CEP104: variants seen among roughly 807,000 people sequenced by gnomAD.
CEP104 encodes the protein centrosomal protein 104.
A neutral mutation model predicts 113.3 loss-of-function variants in CEP104; 84 were observed. That is an observed-to-expected ratio of 0.74 (90% CI 0.62 to 0.89). The LOEUF is 0.89. CEP104 is among the 40% of genes least tolerant of loss of function. CEP104 has a pLI of 0.00. For synonymous variants in CEP104, 378 were observed against 421.7 expected, an observed-to-expected ratio of 0.90 and a Z score of 1.27; for missense variants, 1,053 against 1,156.6, an observed-to-expected ratio of 0.91 and a Z score of 1.30.
intron 6 of CEP104, among the ~76,000 whole-genome samples, chr1:3,842,788 T>A (rs3765774): frequency 0.37 from 56,102 of 151,860 alleles, 10,964 homozygotes; most frequent in Admixed American, 0.46. Flanking sequence ...TTATTTAAAA[T>A]TTTTTTTGTG....
chr1:3,822,576 G>A (rs1002600477), intron 20 of CEP104, among the ~76,000 whole-genome samples: 2 of 152,198 alleles, frequency 1.3e-5, no homozygotes, highest in African/African-American at 2.4e-5. Flanking sequence ...CCAGCCCATC[G>A]TGTTGGACAG....
rs1644171391 is a variant in CEP104 at position 3,830,016 on chromosome 1, CTT to C, written c.1837-21_1837-20del. 3 of 1,544,628 alleles carry C rather than the reference CTT, an allele frequency of 1.9e-6. No homozygotes were observed. The highest frequency in any genetic ancestry group is 1.4e-5 in the African/African-American group (1 of 73,644). On this transcript the variant is annotated intron_variant, in intron 13 of 21. Transcript: ENST00000378230. Reference sequence around the variant, plus strand: ...CTGAAAACTAAAGTTGGGAGGGGCTCTTGTTACTCATTCTTAAAATAAAACTA... The same window carrying C: ...CTGAAAACTAAAGTTGGGAGGGGCTCGTTACTCATTCTTAAAATAAAACTA...
chr1:3,851,836 G>A (rs182612830), intron 2 of CEP104, among the ~76,000 whole-genome samples: 4 of 152,236 alleles, frequency 2.6e-5, no homozygotes, highest in African/African-American at 4.8e-5. Flanking sequence ...TAAAGTATAC[G>A]CGTGTTTAAG....
chr1:3,855,965 C>T, intron 1 of CEP104: 1 of 985,276 alleles, frequency 1.0e-6, no homozygotes, highest in Non-Finnish European at 1.2e-6. Context: ...GCGATGACTC[C>T]ATGGCGGTCT....
chr1:3,854,337 TC>T (rs1193137692), intron 1 of CEP104, among the ~76,000 whole-genome samples: 1 of 152,052 alleles, frequency 6.6e-6, no homozygotes, highest in Non-Finnish European at 1.5e-5. Flanking sequence ...CTTGGTGGGC[TC>T]CCCATCTAGG....
intron 15 of CEP104, among the ~76,000 whole-genome samples, chr1:3,827,813 A>C (rs371230072): frequency 3.0e-4 from 46 of 152,246 alleles, no homozygotes; most frequent in African/African-American, 1.1e-3. Flanking sequence ...CGCAGCACAG[A>C]CCCACTGCCT....
Position 3,837,303 on chromosome 1 carries a change from G to C in CEP104, c.1108C>G (p.Pro370Ala). Reference protein sequence around the residue: ...DPLLPATDPHPKINAESLPYD... With the variant: ...DPLLPATDPHAKINAESLPYD... The stretch of plus-strand genomic sequence containing the variant: ...ACAGAATTACCTACATTGATCTTTG[G>C]ATGAGGATCTGTGGCAGGGAGTAAC... The change falls in exon 9 of 22, where the codon CCA becomes GCA. Residue 370 changes from proline (P) to alanine (A), a missense_variant. Coordinates refer to ENST00000378230, the MANE Select transcript of CEP104 (RefSeq NM_014704.4). 1 of 1,610,796 alleles carries C rather than the reference G, an allele frequency of 6.2e-7. No individual in the cohort carries two copies. Among genetic ancestry groups the C allele is most frequent in the Non-Finnish European group, 8.5e-7 (1 of 1,177,052 alleles).
chr1:3,827,277 C>T (rs114895716), intron 15 of CEP104, among the ~76,000 whole-genome samples: 2,067 of 152,232 alleles, frequency 0.014, 46 homozygotes, highest in African/African-American at 0.047. Context: ...GGAAGTGGTA[C>T]AAACACAACT....
chr1:3,852,947 A>C (rs1238712172), intron 1 of CEP104, among the ~76,000 whole-genome samples: 1 of 152,258 alleles, frequency 6.6e-6, no homozygotes, highest in Admixed American at 6.5e-5. Flanking sequence ...AAGGTTAGGA[A>C]GAAGCCAGGA....
intron 4 of CEP104, among the ~76,000 whole-genome samples, chr1:3,845,815 C>T (rs1258196033): frequency 3.3e-5 from 5 of 152,172 alleles, no homozygotes; most frequent in East Asian, 1.9e-4. Context: ...AGCCTGGGCG[C>T]GGTGCCTCAT....
At chr1:3,854,674 G>A (rs544242375) in intron 1 of CEP104, among the ~76,000 whole-genome samples, 17 of 147,852 alleles carry the variant, frequency 1.1e-4, no homozygotes, top group East Asian at 4.0e-4. Flanking sequence ...TAGTAGAGAC[G>A]GGGTTTTGCC....
Position 3,826,495 on chromosome 1 carries a change from T to G in CEP104, c.2189-59A>C, listed in dbSNP as rs1477920307. ...ATAGAAATTATTTTCAAAATTTTAG[T>G]AAGCAGTTTGATGTGAGCTCTAAAA... On this transcript the variant is annotated intron_variant, in intron 16 of 21. Coordinates refer to ENST00000378230, the MANE Select transcript of CEP104 (RefSeq NM_014704.4). 3.3e-6 allele frequency: 5 copies of G among 1,506,852 alleles called. No homozygotes were observed. In the African/African-American group the frequency reaches 5.6e-5, roughly 17 times the overall value. The allele number at this position is 1,506,852 out of a possible 1,614,324, so 93.3% of individuals were successfully genotyped here.
chr1:3,818,270 G>A (rs1217886851), intron 20 of CEP104, among the ~76,000 whole-genome samples: 2 of 152,170 alleles, frequency 1.3e-5, no homozygotes, highest in African/African-American at 4.8e-5. Flanking sequence ...CCAGTATCAT[G>A]ACCTTAAACC....
intron 4 of CEP104, among the ~76,000 whole-genome samples, chr1:3,846,445 G>A (rs1484796721): frequency 6.6e-6 from 1 of 152,172 alleles, no homozygotes; most frequent in African/African-American, 2.4e-5. Flanking sequence ...TCAGTGAAGT[G>A]CTGCTTTAGA....
rs1643808559 is a variant in CEP104, at chr1:3,812,212, A to G, written c.*3190T>C. 6.6e-6 allele frequency: 1 copy of G among 152,160 alleles called. No individual in the cohort carries two copies. Among genetic ancestry groups the G allele is most frequent in the Admixed American group, 6.5e-5 (1 of 15,276 alleles). 9.4% of individuals were successfully genotyped at this position (152,160 alleles called of 1,614,324 possible). On this transcript the variant is annotated 3_prime_UTR_variant, in exon 22 of 22. Coordinates refer to ENST00000378230, the MANE Select transcript of CEP104 (RefSeq NM_014704.4). ...TACTTGAAATAAAGACAAATAGAAA[A>G]CTATGTTAAAATATTAAAAAGTTGC...
chr1:3,829,302 CT>C lies in CEP104; in HGVS notation c.2114del (p.Gln705ArgfsTer5). Reference protein sequence around the residue: ...KKEEIKALQGQLAALKEIQAE... With the variant: ...KKEEIKALQGXLAALKEIQAE... ...CCTGAATTTCTTTCAGTGCTGCCAGCTGCCCTTGTAAAGCTTTTATTTCTTC... is the reference window on the plus strand; with the variant it reads ...CCTGAATTTCTTTCAGTGCTGCCAGCGCCCTTGTAAAGCTTTTATTTCTTC... On this transcript the variant is annotated frameshift_variant, in exon 15 of 22. Transcript: ENST00000378230. LOFTEE classifies it high-confidence loss of function. 1 of 1,597,402 alleles carries C rather than the reference CT, an allele frequency of 6.3e-7. No individual in the cohort carries two copies. The highest frequency in any genetic ancestry group is 1.4e-5 in the African/African-American group (1 of 73,588).
In CEP104 at chr1:3,839,049, G is replaced by A. The variant is rs1288910871; in HGVS notation, c.806C>T (p.Ala269Val). The A allele has an allele frequency of 6.2e-7, 1 of 1,614,058 alleles. No homozygotes were observed. The highest frequency in any genetic ancestry group is 8.5e-7 in the Non-Finnish European group (1 of 1,180,008). ...CAVEKEDYDL[A>V]KEKKQQMEQY... ...CTCCATCTGCTGCTTCTTCTCCTTGGCGAGATCGTAGTCTTCCTTCTCCAC... is the reference window on the plus strand; with the variant it reads ...CTCCATCTGCTGCTTCTTCTCCTTGACGAGATCGTAGTCTTCCTTCTCCAC... The change falls in exon 8 of 22, where the codon GCC becomes GTC. Residue 269 changes from alanine to valine, a missense_variant. Transcript: ENST00000378230.
At chr1:3,830,776 CAAAA>C (rs61056063) in intron 13 of CEP104, among the ~76,000 whole-genome samples, 5 of 108,566 alleles carry the variant, frequency 4.6e-5, no homozygotes, top group Admixed American at 1.9e-4. Context: ...GACTCCATCT[CAAAA>C]AAAAAAAAAA....
At chr1:3,851,438 AG>A (rs1644609228) in intron 2 of CEP104, among the ~76,000 whole-genome samples, 1 of 152,174 alleles carries the variant, frequency 6.6e-6, no homozygotes, top group Non-Finnish European at 1.5e-5. Context: ...TTCGCGGGTT[AG>A]GAATAAATAG....
Sources: allele counts gnomAD v4.1 joint callset (sites outside exome capture counted in the v4.1 genomes callset), GRCh38; gene constraint gnomAD v4.1.1; transcripts MANE v1.5; gene names NCBI Gene and HGNC (gene_info 2026-07-23, HGNC 2026-07-21).